The following FILIP1 variants were observed in gnomAD, a reference collection of about 807,000 sequenced individuals.
FILIP1 encodes filamin-A-interacting protein 1.
Under a neutral mutation model 102.1 loss-of-function variants are expected in FILIP1, and 61 were observed. The observed-to-expected ratio is 0.60, with a 90% confidence interval of 0.49 to 0.74. FILIP1 has a LOEUF of 0.74. Among genes scored for constraint, FILIP1 ranks in the 30% least tolerant of loss-of-function variants. The pLI is 0.00. For missense variants in FILIP1, 1,314 were observed against 1,441.2 expected (o/e 0.91, Z 1.43); for synonymous variants, 491 against 526.9 (o/e 0.93, Z 0.93).
intron 5 of FILIP1, among the ~76,000 whole-genome samples, chr6:75,311,200 T>G (rs527424470): frequency 1.3e-5 from 2 of 152,190 alleles, no homozygotes; most frequent in Non-Finnish European, 2.9e-5. Context: ...TTTACTTTTT[T>G]GAGACACGGT....
intron 2 of FILIP1, among the ~76,000 whole-genome samples, chr6:75,401,660 C>T (rs2149672251): frequency 6.6e-6 from 1 of 152,222 alleles, no homozygotes; most frequent in African/African-American, 2.4e-5. Context: ...ATATATAGAA[C>T]ATTTCCTTCT....
At chr6:75,484,943 C>T (rs577774550) in intron 1 of FILIP1, among the ~76,000 whole-genome samples, 2 of 152,100 alleles carry the variant, frequency 1.3e-5, no homozygotes, top group Non-Finnish European at 2.9e-5. Context: ...GAAATTATCG[C>T]TGTTGTGTAC....
chr6:75,368,217 T>A (rs2149620536), intron 2 of FILIP1, among the ~76,000 whole-genome samples: 1 of 152,310 alleles, frequency 6.6e-6, no homozygotes, highest in East Asian at 1.9e-4. Flanking sequence ...AACAAGGGGT[T>A]TCTCAGCTGG....
At chr6:75,404,730 A>G (rs933080513) in intron 2 of FILIP1, among the ~76,000 whole-genome samples, 1 of 152,102 alleles carries the variant, frequency 6.6e-6, no homozygotes, top group African/African-American at 2.4e-5. Flanking sequence ...CCCGCCCCTC[A>G]GCTGCAAATG....
At chr6:75,460,497 T>C (rs1352097482) in intron 1 of FILIP1, among the ~76,000 whole-genome samples, 1 of 152,236 alleles carries the variant, frequency 6.6e-6, no homozygotes, top group Non-Finnish European at 1.5e-5. Flanking sequence ...TAATATTAGA[T>C]ATTGAATCAT....
At chr6:75,389,882 A>C (rs1042062698) in intron 2 of FILIP1, among the ~76,000 whole-genome samples, 1 of 152,018 alleles carries the variant, frequency 6.6e-6, no homozygotes, top group African/African-American at 2.4e-5. Flanking sequence ...ACTCACATTC[A>C]ACCACAAGTA....
At chr6:75,449,807 T>C (rs1337241130) in intron 1 of FILIP1, among the ~76,000 whole-genome samples, 2 of 152,186 alleles carry the variant, frequency 1.3e-5, no homozygotes, top group East Asian at 3.8e-4. Context: ...TTATGACTCA[T>C]TGAAAATAAT....
At chr6:75,487,853 A>G (rs920006619) in intron 1 of FILIP1, among the ~76,000 whole-genome samples, 43 of 152,158 alleles carry the variant, frequency 2.8e-4, no homozygotes, top group African/African-American at 9.4e-4. Context: ...AAAAAAGGCT[A>G]TTTTCAAGGG....
chr6:75,483,710 A>G (rs924892194), intron 1 of FILIP1, among the ~76,000 whole-genome samples: 5 of 152,186 alleles, frequency 3.3e-5, no homozygotes, highest in South Asian at 4.1e-4. Flanking sequence ...TAAGGTCACC[A>G]TAACCAGCTG....
At chr6:75,315,549 G>A (rs61300362) in intron 4 of FILIP1, among the ~76,000 whole-genome samples, 2,439 of 152,258 alleles carry the variant, frequency 0.016, 72 homozygotes, top group African/African-American at 0.056. Flanking sequence ...TAATACAGTA[G>A]CCATTAAGTA....
intron 1 of FILIP1, among the ~76,000 whole-genome samples, chr6:75,474,367 G>T (rs1291004668): frequency 6.6e-6 from 1 of 152,062 alleles, no homozygotes; most frequent in East Asian, 1.9e-4. Context: ...TAACAATAAT[G>T]CTACAATCAT....
downstream of FILIP1, among the ~76,000 whole-genome samples, chr6:75,306,051 C>T (rs1244075915): frequency 6.6e-6 from 1 of 152,200 alleles, no homozygotes; most frequent in African/African-American, 2.4e-5. Context: ...ACATTTAGTT[C>T]ACCACCTCCT....
In FILIP1 at chr6:75,319,032, TTCA is replaced by T. The variant is rs1727143538; in HGVS notation, c.630-3833_630-3831del. ...AAAAAACTGTGCTAGAACCAACTTATTCATCATCGTCATCTTCTTCATCTTCAT... is the reference window on the plus strand; with the variant it reads ...AAAAAACTGTGCTAGAACCAACTTATTCATCGTCATCTTCTTCATCTTCAT... On this transcript the variant is annotated intron_variant, in intron 4 of 5. Coordinates refer to ENST00000237172, the MANE Select transcript of FILIP1 (RefSeq NM_015687.5). The T allele has an allele frequency of 5.7e-6, 4 of 702,248 alleles. No homozygotes were observed. The Admixed American group carries it at 5.9e-5, about 10-fold the overall frequency. 43.5% of individuals were successfully genotyped at this position (702,248 alleles called of 1,614,324 possible).
At chr6:75,440,382 G>T (rs1475228663) in intron 1 of FILIP1, among the ~76,000 whole-genome samples, 1 of 152,184 alleles carries the variant, frequency 6.6e-6, no homozygotes, top group African/African-American at 2.4e-5. Flanking sequence ...TTACTGCCAA[G>T]CCTGTGATTG....
intron 1 of FILIP1, among the ~76,000 whole-genome samples, chr6:75,492,650 A>G (rs1389592059): frequency 1.3e-5 from 2 of 152,200 alleles, no homozygotes; most frequent in Non-Finnish European, 2.9e-5. Context: ...CCTTTACACT[A>G]TAGTAAACAC....
chr6:75,317,555 C>A (rs1773485585), intron 4 of FILIP1, among the ~76,000 whole-genome samples: 1 of 152,156 alleles, frequency 6.6e-6, no homozygotes, highest in Non-Finnish European at 1.5e-5. Flanking sequence ...GATAGTAAAA[C>A]TTGGGGCACT....
At chr6:75,391,563 C>T (rs563177146) in intron 2 of FILIP1, among the ~76,000 whole-genome samples, 1 of 152,072 alleles carries the variant, frequency 6.6e-6, no homozygotes, top group South Asian at 2.1e-4. Context: ...GTATATATGA[C>T]CTTCTCCCCT....
At chr6:75,372,723 A>C (rs1390489822) in intron 2 of FILIP1, among the ~76,000 whole-genome samples, 1 of 56,586 alleles carries the variant, frequency 1.8e-5, no homozygotes, top group Non-Finnish European at 3.1e-5. Context: ...GGAAAGAAAG[A>C]GAAAGAGAAA....
chr6:75,454,106 T>C (rs911768428), intron 1 of FILIP1: 2 of 437,596 alleles, frequency 4.6e-6, no homozygotes, highest in African/African-American at 4.1e-5. Flanking sequence ...AAAATCAAGG[T>C]GTTTCAGGGA....
Sources: allele counts gnomAD v4.1 joint callset (sites outside exome capture counted in the v4.1 genomes callset), GRCh38; gene constraint gnomAD v4.1.1; transcripts MANE v1.5; gene names NCBI Gene and HGNC (gene_info 2026-07-23, HGNC 2026-07-21).